QTMAN: variants seen among roughly 807,000 people sequenced by gnomAD.
QTMAN encodes queuosine-tRNA mannosyltransferase, also known as tRNA-queuosine alpha-mannosyltransferase.
the QTMAN span, among the ~76,000 whole-genome samples, chr2:144,154,438 A>G: frequency 2.6e-5 from 4 of 152,210 alleles, no homozygotes; most frequent in Admixed American, 2.6e-4. Context: ...TAGCTTACAT[A>G]ATCAGATAGT....
chr2:143,992,710 A>T, the QTMAN span, among the ~76,000 whole-genome samples: 1 of 152,184 alleles, frequency 6.6e-6, no homozygotes, highest in Admixed American at 6.5e-5. Flanking sequence ...CCTCACTAAA[A>T]GCAATTCTTA....
chr2:144,032,439 A>C, the QTMAN span, among the ~76,000 whole-genome samples: 1 of 152,242 alleles, frequency 6.6e-6, no homozygotes, highest in Non-Finnish European at 1.5e-5. Context: ...CCTAGCCAAA[A>C]TGAAAACTTT....
At chr2:143,975,238 A>T in the QTMAN span, among the ~76,000 whole-genome samples, 2 of 152,278 alleles carry the variant, frequency 1.3e-5, no homozygotes, top group East Asian at 1.9e-4. Flanking sequence ...ATTTCTTCTT[A>T]TTCGTCACTT....
chr2:144,016,795 C>T, the QTMAN span, among the ~76,000 whole-genome samples: 1 of 152,068 alleles, frequency 6.6e-6, no homozygotes, highest in African/African-American at 2.4e-5. Context: ...TTACTGAATA[C>T]TATGGCGGAA....
At chr2:144,020,246 T>C in the QTMAN span, among the ~76,000 whole-genome samples, 2 of 152,150 alleles carry the variant, frequency 1.3e-5, no homozygotes, top group African/African-American at 2.4e-5. Context: ...AGGCATTTCC[T>C]GCCTAAATGC....
the QTMAN span, among the ~76,000 whole-genome samples, chr2:144,147,066 T>C: frequency 6.6e-6 from 1 of 151,902 alleles, no homozygotes; most frequent in African/African-American, 2.4e-5. Flanking sequence ...ACAAGCCAAA[T>C]GGCTAACTTC....
chr2:144,141,902 G>A, the QTMAN span: 16 of 1,610,816 alleles, frequency 9.9e-6, no homozygotes, highest in Non-Finnish European at 1.4e-5. Flanking sequence ...CAGGAAACCT[G>A]ATGGGAAAGT....
chr2:144,207,186 C>T, the QTMAN span, among the ~76,000 whole-genome samples: 1 of 152,236 alleles, frequency 6.6e-6, no homozygotes, highest in Admixed American at 6.5e-5. Flanking sequence ...GAAGGATACA[C>T]TTTAAATTCG....
chr2:144,178,121 G>A, the QTMAN span, among the ~76,000 whole-genome samples: 1 of 152,140 alleles, frequency 6.6e-6, no homozygotes, highest in African/African-American at 2.4e-5. Context: ...TGACAGCGAG[G>A]AGGAAAGAAG....
the QTMAN span, among the ~76,000 whole-genome samples, chr2:144,033,995 A>G: frequency 6.6e-6 from 1 of 152,208 alleles, no homozygotes; most frequent in Non-Finnish European, 1.5e-5. Context: ...GTGCAGAATA[A>G]AGCTGAGAAG....
the QTMAN span, among the ~76,000 whole-genome samples, chr2:144,252,898 T>C: frequency 2.0e-5 from 3 of 152,186 alleles, no homozygotes; most frequent in African/African-American, 7.2e-5. Flanking sequence ...ATCCATACAA[T>C]GGAATATTAC....
the QTMAN span, among the ~76,000 whole-genome samples, chr2:144,222,899 G>A: frequency 6.6e-6 from 1 of 152,322 alleles, no homozygotes; most frequent in East Asian, 1.9e-4. Context: ...TGATTGGATA[G>A]TCAACTAAAA....
chr2:144,033,495 C>T, the QTMAN span, among the ~76,000 whole-genome samples: 1 of 152,186 alleles, frequency 6.6e-6, no homozygotes, highest in Non-Finnish European at 1.5e-5. Flanking sequence ...CAGGTGCACC[C>T]CCCTCCCAAC....
chr2:144,258,047 T>C, the QTMAN span, among the ~76,000 whole-genome samples: 2 of 151,774 alleles, frequency 1.3e-5, no homozygotes, highest in Non-Finnish European at 2.9e-5. Flanking sequence ...GGAAAAATCA[T>C]AGATTAAAGC....
At chr2:144,326,532 A>G in the QTMAN span, among the ~76,000 whole-genome samples, 1 of 147,886 alleles carries the variant, frequency 6.8e-6, no homozygotes, top group East Asian at 2.0e-4. Context: ...GCTTGCAGTG[A>G]GCCGAGATTG....
chr2:144,193,961 T>A, the QTMAN span, among the ~76,000 whole-genome samples: 1 of 152,192 alleles, frequency 6.6e-6, no homozygotes, highest in Non-Finnish European at 1.5e-5. Flanking sequence ...ACTGTGCCTA[T>A]CAAACCACCT....
At chr2:144,001,284 C>T in the QTMAN span, among the ~76,000 whole-genome samples, 1 of 151,932 alleles carries the variant, frequency 6.6e-6, no homozygotes, top group Admixed American at 6.6e-5. Flanking sequence ...TTAGAAATTG[C>T]CAAAGTTTCT....
At chr2:143,968,278 T>G in the QTMAN span, among the ~76,000 whole-genome samples, 3 of 152,194 alleles carry the variant, frequency 2.0e-5, no homozygotes, top group Non-Finnish European at 4.4e-5. Context: ...TCCCTTCCTG[T>G]GGGCTTCCAC....
At chr2:144,136,458 AGG>A in the QTMAN span, among the ~76,000 whole-genome samples, 2 of 138,964 alleles carry the variant, frequency 1.4e-5, no homozygotes, top group African/African-American at 5.3e-5. Context: ...AGGAGAAAGG[AGG>A]AAGGAGAAAG....
Sources: gnomAD v4.1 joint callset for allele counts (sites outside exome capture counted in the v4.1 genomes callset) on GRCh38, gnomAD v4.1.1 for gene constraint, MANE v1.5 for transcripts, NCBI Gene and HGNC (gene_info 2026-07-23, HGNC 2026-07-21) for gene names.